Variants in FBH1 observed in about 807,000 individuals in gnomAD.
FBH1 encodes F-box DNA helicase 1.
A neutral mutation model predicts 115.5 loss-of-function variants in FBH1; 43 were observed. That is an observed-to-expected ratio of 0.37 (90% confidence interval 0.29 to 0.48). The LOEUF is 0.48. FBH1 is among the 20% of genes least tolerant of loss of function. The pLI is 0.99. For missense variants in FBH1, 1,001 were observed against 1,337.3 expected, an observed-to-expected ratio of 0.75 and a Z score of 3.92; for synonymous variants, 524 against 507.8, an observed-to-expected ratio of 1.03 and a Z score of -0.43.
In FBH1 at chr10:5,909,915, T is replaced by G. The variant is rs1394028346; in HGVS notation, c.1020+621T>G. On this transcript the variant is annotated intron_variant, in intron 5 of 20. Transcript: ENST00000362091. The surrounding 1 kb of genome is among the most constrained non-coding windows in gnomAD (Gnocchi z 4.4). Reference sequence around the variant, plus strand: ...GTGGAGTGGGTCTTCTTTCACAGGATGGTTGAAGTGAGAGGGGATGGGATG... The same window carrying G: ...GTGGAGTGGGTCTTCTTTCACAGGAGGGTTGAAGTGAGAGGGGATGGGATG... Among the ~76,000 whole-genome samples the G allele has an allele frequency of 2.0e-5, 3 of 152,174 alleles. No homozygotes were observed.
chr10:5,894,552 G>A (rs780779951), intron 1 of FBH1: 135 of 810,462 alleles, frequency 1.7e-4, no homozygotes, highest in Non-Finnish European at 2.5e-4. Flanking sequence ...TGGCACAATT[G>A]TAGGATTGCT....
rs1313517479 is a variant in FBH1 at position 5,931,329 on chromosome 10, G to A, written c.2829+3788G>A. The stretch of plus-strand genomic sequence containing the variant: ...GTATGCAGCACCATCAGTAAGTGCT[G>A]AAAAATGATACTGTTTACACATGTT... On this transcript the variant is annotated intron_variant, in intron 19 of 20. Coordinates refer to ENST00000362091, the MANE Select transcript of FBH1 (RefSeq NM_178150.3). The surrounding 1 kb of genome is among the most constrained non-coding windows in gnomAD (Gnocchi z 4.3). Among the ~76,000 whole-genome samples, 1 of 152,114 alleles carries A rather than the reference G, an allele frequency of 6.6e-6. No individual in the cohort carries two copies. The highest frequency in any genetic ancestry group is 1.5e-5 in the Non-Finnish European group (1 of 68,022).
intron 19 of FBH1, among the ~76,000 whole-genome samples, chr10:5,928,944 C>G (rs988613031): frequency 3.3e-5 from 5 of 152,192 alleles, no homozygotes; most frequent in African/African-American, 7.2e-5. Context: ...ATTGCCTACT[C>G]TCGTGGGGTG....
chr10:5,925,326 C>A lies in FBH1; in HGVS notation c.2597-41C>A. Reference sequence around the variant, plus strand: ...TGTTTTTGTCATCTTGTTTCTTTCCCTTTGAAGCACCATCTAACGTGTGCT... The same window carrying A: ...TGTTTTTGTCATCTTGTTTCTTTCCATTTGAAGCACCATCTAACGTGTGCT... On this transcript the variant is annotated intron_variant, in intron 17 of 20. Transcript: ENST00000362091. The surrounding 1 kb of genome is among the most constrained non-coding windows in gnomAD (Gnocchi z 4.6). The A allele has an allele frequency of 6.2e-7, 1 of 1,603,056 alleles. No homozygotes were observed. Among genetic ancestry groups the A allele is most frequent in the Non-Finnish European group, 8.5e-7 (1 of 1,174,906 alleles).
intron 3 of FBH1, among the ~76,000 whole-genome samples, chr10:5,907,468 G>GGT (rs1843772301): frequency 7.6e-6 from 1 of 130,896 alleles, no homozygotes; most frequent in African/African-American, 2.8e-5. Context: ...TTTTGTTGTT[G>GGT]TTGGTTTTTT....
chr10:5,894,906 C>A (rs1219972517), intron 1 of FBH1: 9 of 780,766 alleles, frequency 1.2e-5, no homozygotes, highest in Middle Eastern at 2.6e-4. Context: ...TAAATGCACA[C>A]TTACACAAAG....
chr10:5,901,599 C>T (rs1209227586), intron 1 of FBH1, among the ~76,000 whole-genome samples: 1 of 129,606 alleles, frequency 7.7e-6, no homozygotes, highest in African/African-American at 2.9e-5. Flanking sequence ...TGGAGTTGTA[C>T]TCTCGTCCAG....
chr10:5,930,074 A>T (rs1450503039), intron 19 of FBH1, among the ~76,000 whole-genome samples: 3 of 151,958 alleles, frequency 2.0e-5, no homozygotes, highest in African/African-American at 7.3e-5. Context: ...AAATTTTGAG[A>T]CATTAAAAAG....
rs1843458055 is a variant in FBH1, at chr10:5,903,111, A to G, written c.93A>G (p.Arg31=). The change falls in exon 2 of 21, where the codon AGA becomes AGG. Residue 31 remains arginine (R), a synonymous_variant. Coordinates refer to ENST00000362091, the MANE Select transcript of FBH1 (RefSeq NM_178150.3). ...CTGTGACCCAGCCCTTCGGTCAAAG[A>G]TGGACAAACAGAGATCCGAACCATG... is the stretch of plus-strand genomic sequence containing the variant. ...HLAVTQPFGQ[R]WTNRDPNHGL... 1.9e-6 allele frequency: 3 copies of G among 1,613,942 alleles called. No homozygotes were observed. The highest frequency in any genetic ancestry group is 2.5e-6 in the Non-Finnish European group (3 of 1,179,926).
chr10:5,915,322 C>T lies in FBH1; in HGVS notation c.1397-81C>T. 1.4e-6 allele frequency: 2 copies of T among 1,466,066 alleles called. No homozygotes were observed. Among genetic ancestry groups the T allele is most frequent in the Non-Finnish European group, 1.9e-6 (2 of 1,069,268 alleles). The allele number at this position is 1,466,066 out of a possible 1,614,324, so 90.8% of individuals were successfully genotyped here. A position where few individuals can be genotyped will look rare whatever the true frequency, so the allele number is the denominator to read the frequency against. On this transcript the variant is annotated intron_variant, in intron 8 of 20. Coordinates refer to ENST00000362091, the MANE Select transcript of FBH1 (RefSeq NM_178150.3). The surrounding 1 kb of genome is among the most constrained non-coding windows in gnomAD (Gnocchi z 5.2). ...GCTCTCAAGACAGAGGTGTGATAAG[C>T]CTGGACAAGGCCTGATTGGGGATCC...
At position 5,933,796 on chromosome 10, in the gene FBH1, CCAT is replaced by C. The variant is rs938646571; in HGVS notation, c.2830-2659_2830-2657del. Among the ~76,000 whole-genome samples the C allele has an allele frequency of 8.6e-4, 131 of 152,256 alleles. No individual in the cohort carries two copies. The highest frequency in any genetic ancestry group is 3.0e-3 in the African/African-American group (124 of 41,548). Reference sequence around the variant, plus strand: ...TAGCTGGTAGTACAGGTGTACACCACCATACCTGGCTAATTTTTTTTGGTATTT... The same window carrying C: ...TAGCTGGTAGTACAGGTGTACACCACACCTGGCTAATTTTTTTTGGTATTT... On this transcript the variant is annotated intron_variant, in intron 19 of 20. Transcript: ENST00000362091. The surrounding 1 kb of genome is among the most constrained non-coding windows in gnomAD (Gnocchi z 4.9).
Position 5,897,874 on chromosome 10 carries a change from G to A in FBH1, c.2-5146G>A, listed in dbSNP as rs957987484. 1.3e-5 allele frequency among the ~76,000 whole-genome samples: 2 copies of A among 150,226 alleles called. No homozygotes were observed. The highest frequency in any genetic ancestry group is 1.5e-5 in the Non-Finnish European group (1 of 67,548). On this transcript the variant is annotated intron_variant, in intron 1 of 20. Coordinates refer to ENST00000362091, the MANE Select transcript of FBH1 (RefSeq NM_178150.3). The surrounding 1 kb of genome is among the most constrained non-coding windows in gnomAD (Gnocchi z 4.7). Reference sequence around the variant, plus strand: ...CGCAACAAGCATTTTGGATTCAGACGTATTTTCTGAGATAAATACATAAAT... The same window carrying A: ...CGCAACAAGCATTTTGGATTCAGACATATTTTCTGAGATAAATACATAAAT...
At chr10:5,890,052 G>A (rs898228167), upstream of FBH1, 4 of 293,780 alleles carry the variant, frequency 1.4e-5, no homozygotes, top group African/African-American at 6.7e-5. Context: ...GCGTGGCCCG[G>A]TAGCTGTGGC....
rs1831483954 is a variant in FBH1, at chr10:5,910,149, G to A, written c.1021-789G>A. Among the ~76,000 whole-genome samples, 1 of 152,100 alleles carries A rather than the reference G, an allele frequency of 6.6e-6. No individual in the cohort carries two copies. Among genetic ancestry groups the A allele is most frequent in the African/African-American group, 2.4e-5 (1 of 41,404 alleles). On this transcript the variant is annotated intron_variant, in intron 5 of 20. Transcript: ENST00000362091. This position sits in a 1 kb window ranked among gnomAD's most constrained non-coding sequence, Gnocchi z 4.8. ...ATACAAAAATTAGCCGAGCATGGTGGCATGTGCCTGTAGTACTGGCTACTC... is the reference window on the plus strand; with the variant it reads ...ATACAAAAATTAGCCGAGCATGGTGACATGTGCCTGTAGTACTGGCTACTC...
In FBH1 at chr10:5,925,404, G is replaced by C. The variant is rs1005389242; in HGVS notation, c.2634G>C (p.Leu878=). ...GCACTGTGCACAAAGCCAAAGGCCT[G>C]GAGTTTGACACTGTGCATGTTTTGG... ...ILGTVHKAKG[L]EFDTVHVLDD... The change falls in exon 18 of 21, where the codon CTG becomes CTC. Residue 878 remains leucine, a synonymous_variant. Coordinates refer to ENST00000362091, the MANE Select transcript of FBH1 (RefSeq NM_178150.3). This position sits in a 1 kb window ranked among gnomAD's most constrained non-coding sequence, Gnocchi z 4.6. 2.5e-6 allele frequency: 4 copies of C among 1,614,216 alleles called. No individual in the cohort carries two copies. Among genetic ancestry groups the C allele is most frequent in the Non-Finnish European group, 3.4e-6 (4 of 1,180,050 alleles).
At position 5,895,235 on chromosome 10, in the gene FBH1, A is replaced by G; in HGVS notation, c.1+4889A>G. 6.4e-7 allele frequency: 1 copy of G among 1,572,788 alleles called. No individual in the cohort carries two copies. Among genetic ancestry groups the G allele is most frequent in the East Asian group, 2.3e-5 (1 of 43,744 alleles). On this transcript the variant is annotated intron_variant, in intron 1 of 20. Transcript: ENST00000362091. This position sits in a 1 kb window ranked among gnomAD's most constrained non-coding sequence, Gnocchi z 5.0. The stretch of plus-strand genomic sequence containing the variant: ...ACCAGGGCGGTTAGCTGACTCCAAA[A>G]TTGTCCAGATTAGCAAAACTGCCCT...
At chr10:5,902,088 G>C (rs1269726651) in intron 1 of FBH1, among the ~76,000 whole-genome samples, 1 of 152,114 alleles carries the variant, frequency 6.6e-6, no homozygotes, top group African/African-American at 2.4e-5. Context: ...GCTAAGGGAA[G>C]ATATGAAGTT....
Position 5,913,932 on chromosome 10 carries a change from T to C in FBH1, c.1304+93T>C. ...GATGTTTTGCTTCACTTTAGCAACA[T>C]CATTGAGGTTAATAATGTAAATTGT... On this transcript the variant is annotated intron_variant, in intron 7 of 20. Transcript: ENST00000362091. This position sits in a 1 kb window ranked among gnomAD's most constrained non-coding sequence, Gnocchi z 4.4. 3 of 996,430 alleles carry C rather than the reference T, an allele frequency of 3.0e-6. No homozygotes were observed. Among genetic ancestry groups the C allele is most frequent in the Middle Eastern group, 2.1e-4 (1 of 4,830 alleles). The allele number at this position is 996,430 out of a possible 1,614,324, so 61.7% of individuals were successfully genotyped here. A position where few individuals can be genotyped will look rare whatever the true frequency, so the allele number is the denominator to read the frequency against.
Position 5,918,503 on chromosome 10 carries a change from G to T in FBH1, c.2100+25G>T. 6.5e-7 allele frequency: 1 copy of T among 1,534,330 alleles called. No homozygotes were observed. The highest frequency in any genetic ancestry group is 8.7e-7 in the Non-Finnish European group (1 of 1,144,962). On this transcript the variant is annotated intron_variant, in intron 13 of 20. Coordinates refer to ENST00000362091, the MANE Select transcript of FBH1 (RefSeq NM_178150.3). This position sits in a 1 kb window ranked among gnomAD's most constrained non-coding sequence, Gnocchi z 4.0. Reference sequence around the variant, plus strand: ...GGTAAGTGCGCACTCTGCATGGGAGGCATTGCATCTCTCTCCCAATGTCTT... The same window carrying T: ...GGTAAGTGCGCACTCTGCATGGGAGTCATTGCATCTCTCTCCCAATGTCTT...
Sources: gnomAD v4.1 joint callset for allele counts (sites outside exome capture counted in the v4.1 genomes callset) on GRCh38, gnomAD v4.1.1 for gene constraint, Gnocchi (gnomAD v3.1) non-coding constraint, MANE v1.5 for transcripts, NCBI Gene and HGNC (gene_info 2026-07-23, HGNC 2026-07-21) for gene names.